Variants in SRPX2 observed in about 807,000 individuals in gnomAD.
The protein encoded by SRPX2 is sushi repeat-containing protein SRPX2.
In SRPX2, 26 loss-of-function variants were observed where a neutral mutation model predicts 45.3. That is an observed-to-expected ratio of 0.57 (90% CI 0.42 to 0.80). The LOEUF is 0.80. Ranked by LOEUF, SRPX2 falls within the 30% of genes least tolerant of loss-of-function variation. The pLI is 0.00. For synonymous variants in SRPX2, 125 were observed against 143.7 expected, an observed-to-expected ratio of 0.87 and a Z score of 0.93; for missense variants, 355 against 399.8, an observed-to-expected ratio of 0.89 and a Z score of 0.95.
In SRPX2 at chrX:100,672,449, T is replaced by A. The variant is rs1193787162; in HGVS notation, c.*1462T>A. On this transcript the variant is annotated 3_prime_UTR_variant, in exon 11 of 11. Transcript: ENST00000373004. ...TGTTCTAAACACTCTACTGATTGAC[T>A]CCGAAGCCTTCACAAGAACCCTATG... 1 of 112,224 alleles carries A rather than the reference T, an allele frequency of 8.9e-6. No homozygotes were observed. The highest frequency in any genetic ancestry group is 1.9e-5 in the Non-Finnish European group (1 of 53,238). 9.2% of individuals were successfully genotyped at this position (112,224 alleles called of 1,213,427 possible).
At position 100,646,433 on chromosome X, in the gene SRPX2, T is replaced by A. The variant is rs2083135794; in HGVS notation, c.82+29T>A. On this transcript the variant is annotated intron_variant, in intron 2 of 10. Transcript: ENST00000373004. Reference sequence around the variant, plus strand: ...AGTTCTAGGAGCTGTTGCCTATTATTTCCAGGAAGGATAGGTCCTAGACCA... The same window carrying A: ...AGTTCTAGGAGCTGTTGCCTATTATATCCAGGAAGGATAGGTCCTAGACCA... 2.6e-6 allele frequency: 3 copies of A among 1,168,657 alleles called. No individual in the cohort carries two copies. The East Asian group carries it at 8.9e-5, about 35-fold the overall frequency.
chrX:100,650,861 C>A lies in SRPX2; in HGVS notation c.159C>A (p.Tyr53Ter). ...EEVPQAPALDYRVPRWCYTLN... is the reference protein window; with the variant it reads ...EEVPQAPALD Reference sequence around the variant, plus strand: ...TCCCACAGGCTCCTGCCCTGGACTACCGAGGTAATCTACCCTGCTTCTCAA... The same window carrying A: ...TCCCACAGGCTCCTGCCCTGGACTAACGAGGTAATCTACCCTGCTTCTCAA... The change falls in exon 3 of 11, where the codon TAC becomes TAA. Residue 53 changes from tyrosine to a stop codon, truncating the protein, a stop_gained. Transcript: ENST00000373004. LOFTEE classifies it high-confidence loss of function. 8.3e-7 allele frequency: 1 copy of A among 1,205,432 alleles called. No homozygotes were observed. The highest frequency in any genetic ancestry group is 1.8e-5 in the South Asian group (1 of 56,736).
At position 100,664,849 on chromosome X, in the gene SRPX2, G is replaced by A. The variant is rs758942073; in HGVS notation, c.431G>A (p.Arg144His). 9.9e-6 allele frequency: 12 copies of A among 1,209,796 alleles called. No individual in the cohort carries two copies. Among genetic ancestry groups the A allele is most frequent in the Admixed American group, 2.2e-5 (1 of 45,909 alleles). Reference protein sequence around the residue: ...TCTNGVLLDSRCDYSCSSGYH... With the variant: ...TCTNGVLLDSHCDYSCSSGYH... The stretch of plus-strand genomic sequence containing the variant: ...ACAAATGGAGTGCTTCTTGACTCTC[G>A]CTGTGACTACAGCTGTTCCAGTGGC... Residue 144 changes from arginine to histidine, a missense_variant, in exon 5 of 11, where the codon CGC becomes CAC. Arg to His is a conservative substitution (Grantham distance 29). Transcript: ENST00000373004.
At chrX:100,649,969 C>T (rs1243040491) in intron 2 of SRPX2, among the ~76,000 whole-genome samples, 1 of 112,019 alleles carries the variant, frequency 8.9e-6, no homozygotes, top group Admixed American at 9.4e-5. Flanking sequence ...TATTCATGAC[C>T]GATTTCCTGC....
chrX:100,663,467 A>G (rs1234221647), intron 4 of SRPX2, among the ~76,000 whole-genome samples: 1 of 112,144 alleles, frequency 8.9e-6, no homozygotes, highest in Non-Finnish European at 1.9e-5. Context: ...TTCCTGTCAT[A>G]TGATACTAAG....
In SRPX2 at chrX:100,650,783, A is replaced by G. The variant is rs2147640620; in HGVS notation, c.83-2A>G. On this transcript the variant is annotated splice_acceptor_variant, in intron 2 of 10. Coordinates refer to ENST00000373004, the MANE Select transcript of SRPX2 (RefSeq NM_014467.3). LOFTEE classifies it high-confidence loss of function. ...ATTTTGATATTGTCTTCCTTATTCT[A>G]GGTTCTGGCTACTATCCGGATGAAA... is the stretch of plus-strand genomic sequence containing the variant. 8.3e-7 allele frequency: 1 copy of G among 1,207,867 alleles called. No individual in the cohort carries two copies. The highest frequency in any genetic ancestry group is 3.0e-5 in the East Asian group (1 of 33,814).
In SRPX2 at chrX:100,665,959, T is replaced by C. The variant is rs956099826; in HGVS notation, c.781+302T>C. Among the ~76,000 whole-genome samples the C allele has an allele frequency of 2.7e-5, 3 of 112,437 alleles. No individual in the cohort carries two copies. In the Admixed American group the frequency reaches 2.8e-4, roughly 11 times the overall value. ...TTTCTTAGACTTCAAAATGATCACATGTAATCAGCCATCATTCTGTCGTTC... is the reference window on the plus strand; with the variant it reads ...TTTCTTAGACTTCAAAATGATCACACGTAATCAGCCATCATTCTGTCGTTC... On this transcript the variant is annotated intron_variant, in intron 7 of 10. Coordinates refer to ENST00000373004, the MANE Select transcript of SRPX2 (RefSeq NM_014467.3).
At position 100,671,089 on chromosome X, in the gene SRPX2, C is replaced by T. The variant is rs745638769; in HGVS notation, c.*102C>T. On this transcript the variant is annotated 3_prime_UTR_variant, in exon 11 of 11. Coordinates refer to ENST00000373004, the MANE Select transcript of SRPX2 (RefSeq NM_014467.3). Reference sequence around the variant, plus strand: ...AAATGTTTTCCCACAGTTCTAGGGACAGGACTCTGAGGTGGGTGAGTTTGA... The same window carrying T: ...AAATGTTTTCCCACAGTTCTAGGGATAGGACTCTGAGGTGGGTGAGTTTGA... 38 of 952,361 alleles carry T rather than the reference C, an allele frequency of 4.0e-5. No homozygotes were observed. The highest frequency in any genetic ancestry group is 2.3e-4 in the African/African-American group (12 of 51,608). The allele number at this position is 952,361 out of a possible 1,213,427, so 78.5% of individuals were successfully genotyped here. A position where few individuals can be genotyped will look rare whatever the true frequency, so the allele number is the denominator to read the frequency against.
In SRPX2 at chrX:100,673,108, G is replaced by A. The variant is rs1401258443; in HGVS notation, c.*2121G>A. On this transcript the variant is annotated 3_prime_UTR_variant, in exon 11 of 11. Transcript: ENST00000373004. Reference sequence around the variant, plus strand: ...AAATTTCTGGTCAGACTAGCTCTGTGGTTCCAAAGGCAAAGACTGCACCTT... The same window carrying A: ...AAATTTCTGGTCAGACTAGCTCTGTAGTTCCAAAGGCAAAGACTGCACCTT... The A allele has an allele frequency of 9.0e-6, 1 of 111,489 alleles. No individual in the cohort carries two copies. The highest frequency in any genetic ancestry group is 3.3e-5 in the African/African-American group (1 of 30,574). 9.2% of individuals were successfully genotyped at this position (111,489 alleles called of 1,213,427 possible).
At chrX:100,650,721 A>G (rs2147640576) in intron 2 of SRPX2, 64 bp from the exon 3 acceptor site, 2 of 1,035,586 alleles carry the variant, frequency 1.9e-6, no homozygotes, top group South Asian at 3.9e-5. Context: ...TGAGAGGGGG[A>G]AGGTTGGGAA....
At chrX:100,665,766 G>T in intron 7 of SRPX2, 109 bp downstream of exon 7, 2 of 1,117,915 alleles carry the variant, frequency 1.8e-6, no homozygotes, top group Middle Eastern at 4.9e-4. Context: ...CATTTATACT[G>T]GGAGAGGAGA....
intron 1 of SRPX2, among the ~76,000 whole-genome samples, chrX:100,644,880 T>C (rs2083130897): frequency 9.0e-6 from 1 of 111,456 alleles, no homozygotes; most frequent in Admixed American, 9.5e-5. Flanking sequence ...GAGGGGTCAG[T>C]GATTAGTTAT....
In SRPX2 at chrX:100,669,377, C is replaced by G; in HGVS notation, c.1217+8C>G. On this transcript the variant is annotated splice_region_variant and intron_variant, in intron 10 of 10. Coordinates refer to ENST00000373004, the MANE Select transcript of SRPX2 (RefSeq NM_014467.3). ...CATCATCGAGGAGCTCAGGTCCAGG[C>G]TGGGAGGCTGCCAAACTTGGGGGGA... 3.8e-6 allele frequency: 2 copies of G among 527,364 alleles called. No individual in the cohort carries two copies. The highest frequency in any genetic ancestry group is 7.0e-5 in the Admixed American group (1 of 14,222). The allele number at this position is 527,364 out of a possible 1,213,427, so 43.5% of individuals were successfully genotyped here. A position where few individuals can be genotyped will look rare whatever the true frequency, so the allele number is the denominator to read the frequency against.
Position 100,674,951 on chromosome X carries a change from A to G in SRPX2, c.*3964A>G, listed in dbSNP as rs1045411267. The G allele has an allele frequency of 8.9e-6, 1 of 111,913 alleles. No individual in the cohort carries two copies. Among genetic ancestry groups the G allele is most frequent in the Non-Finnish European group, 1.9e-5 (1 of 53,211 alleles). The allele number at this position is 111,913 out of a possible 1,213,427, so 9.2% of individuals were successfully genotyped here. A position where few individuals can be genotyped will look rare whatever the true frequency, so the allele number is the denominator to read the frequency against. ...AAAGCTCATCAAGCAGGAAGTCAGA[A>G]TAACAGGGAGACTCTGTCTACATTC... On this transcript the variant is annotated 3_prime_UTR_variant, in exon 11 of 11. Coordinates refer to ENST00000373004, the MANE Select transcript of SRPX2 (RefSeq NM_014467.3).
intron 4 of SRPX2, among the ~76,000 whole-genome samples, chrX:100,663,202 C>T (rs2083193607): frequency 9.0e-6 from 1 of 110,881 alleles, no homozygotes; most frequent in Non-Finnish European, 1.9e-5. Context: ...GCAGTCACCA[C>T]ACCCCTCTCG....
rs776869236 is a variant in SRPX2, at chrX:100,665,519, C to T, written c.660-17C>T. Reference sequence around the variant, plus strand: ...GGGTCTCTTTCCTCAGTGTTTATTTCACCCTGTCCCATGCAGGGTGACACT... The same window carrying T: ...GGGTCTCTTTCCTCAGTGTTTATTTTACCCTGTCCCATGCAGGGTGACACT... On this transcript the variant is annotated splice_polypyrimidine_tract_variant and intron_variant, in intron 6 of 10. Transcript: ENST00000373004. 11 of 1,211,816 alleles carry T rather than the reference C, an allele frequency of 9.1e-6. No homozygotes were observed. The highest frequency in any genetic ancestry group is 3.5e-5 in the African/African-American group (2 of 57,821).
At chrX:100,648,585 GAAATGGGA>G (rs1050361741) in intron 2 of SRPX2, among the ~76,000 whole-genome samples, 1 of 112,306 alleles carries the variant, frequency 8.9e-6, no homozygotes, top group Admixed American at 9.4e-5. Context: ...GCAAAGAGGG[GAAATGGGA>G]AAATGGAAAG....
Position 100,662,174 on chromosome X carries a change from A to C in SRPX2, c.164-2A>C, listed in dbSNP as rs1255901866. On this transcript the variant is annotated splice_acceptor_variant, in intron 3 of 10. Transcript: ENST00000373004. LOFTEE classifies it high-confidence loss of function. Reference sequence around the variant, plus strand: ...TAGCTTGCCTTTCTTCTATTGCTACAGTCCCCCGATGGTGTTATACATTAA... The same window carrying C: ...TAGCTTGCCTTTCTTCTATTGCTACCGTCCCCCGATGGTGTTATACATTAA... The C allele has an allele frequency of 8.3e-7, 1 of 1,208,679 alleles. No individual in the cohort carries two copies. Among genetic ancestry groups the C allele is most frequent in the Non-Finnish European group, 1.1e-6 (1 of 894,464 alleles).
chrX:100,656,163 C>T (rs768875085), intron 3 of SRPX2, among the ~76,000 whole-genome samples: 101 of 110,709 alleles, frequency 9.1e-4, no homozygotes, highest in African/African-American at 3.2e-3. Context: ...GCCCAGCCAG[C>T]CATACAGTAT....
Sources: allele counts gnomAD v4.1 joint callset (sites outside exome capture counted in the v4.1 genomes callset), GRCh38; gene constraint gnomAD v4.1.1; transcripts MANE v1.5; gene names NCBI Gene and HGNC (gene_info 2026-07-23, HGNC 2026-07-21).